Variants in METTL6 observed in about 807,000 individuals in gnomAD.
METTL6 encodes the protein tRNA N(3)-cytidine methyltransferase METTL6.
In METTL6, 22 loss-of-function variants were observed where a neutral mutation model predicts 26.4. The ratio of observed to expected loss-of-function variants is 0.83; its 90% CI spans 0.59 to 1.19. The LOEUF (loss-of-function observed/expected upper bound fraction) is 1.19, where lower values mean the gene tolerates loss of function less well. Among genes scored for constraint, METTL6 ranks in the 50% most tolerant of loss-of-function variants. The pLI is 0.00. For missense variants in METTL6, 304 were observed against 324.8 expected, an observed-to-expected ratio of 0.94 and a Z score of 0.49; for synonymous variants, 109 against 116.2, an observed-to-expected ratio of 0.94 and a Z score of 0.40.
At chr3:15,396,800 G>A (rs2124918922) in intron 6 of METTL6, among the ~76,000 whole-genome samples, 1 of 152,280 alleles carries the variant, frequency 6.6e-6, no homozygotes, top group East Asian at 1.9e-4. Flanking sequence ...GCAGAACAGT[G>A]GATATTGGTG....
chr3:15,419,878 T>G (rs2125017202), intron 3 of METTL6, among the ~76,000 whole-genome samples: 1 of 151,198 alleles, frequency 6.6e-6, no homozygotes, highest in African/African-American at 2.4e-5. Flanking sequence ...TTTTTTTTTT[T>G]TGAGACAGAG....
intron 6 of METTL6, among the ~76,000 whole-genome samples, chr3:15,401,547 AAAAAAAAAAAG>A (rs1256462231): frequency 1.3e-5 from 2 of 151,458 alleles, no homozygotes; most frequent in Non-Finnish European, 2.9e-5. Context: ...AAAAAAAAAA[AAAAAAAAAAAG>A]AAAGAAAGAA....
At position 15,411,136 on chromosome 3, in the gene METTL6, C is replaced by G; in HGVS notation, c.*120G>C. ...TCTCAAACTCCTGACCTCAGATGAT[C>G]CCCCAACCTCGGCCTCCCGAAGTGC... On this transcript the variant is annotated 3_prime_UTR_variant, in exon 6 of 6. Transcript: ENST00000383790. 9.0e-7 allele frequency: 1 copy of G among 1,105,106 alleles called. No homozygotes were observed. The highest frequency in any genetic ancestry group is 1.3e-6 in the Non-Finnish European group (1 of 788,652). The allele number at this position is 1,105,106 out of a possible 1,614,324, so 68.5% of individuals were successfully genotyped here.
At chr3:15,413,065 C>A (rs1700039931) in intron 5 of METTL6, among the ~76,000 whole-genome samples, 1 of 151,980 alleles carries the variant, frequency 6.6e-6, no homozygotes. Context: ...GCCAACATGG[C>A]AAAACCGCAT....
chr3:15,414,407 G>A, intron 4 of METTL6: 1 of 1,109,236 alleles, frequency 9.0e-7, no homozygotes, highest in Non-Finnish European at 1.1e-6. Context: ...CCAGGCTGGA[G>A]TGCAGTGGCA....
rs1482367415 is a variant in METTL6 at position 15,410,762 on chromosome 3, A to G, written c.*494T>C. Among the ~76,000 whole-genome samples, 1 of 152,122 alleles carries G rather than the reference A, an allele frequency of 6.6e-6. No homozygotes were observed. The highest frequency in any genetic ancestry group is 1.5e-5 in the Non-Finnish European group (1 of 68,002). The stretch of plus-strand genomic sequence containing the variant: ...CTTACACCTGTAGTCCTAGCTACTC[A>G]GGAGGCTGAGGCAGGAAGACTGCTT... On this transcript the variant is annotated 3_prime_UTR_variant, in exon 6 of 6. Transcript: ENST00000383790.
chr3:15,407,230 G>C (rs985942584), downstream of METTL6, among the ~76,000 whole-genome samples: 1 of 151,618 alleles, frequency 6.6e-6, no homozygotes, highest in African/African-American at 2.4e-5. Context: ...ATGTTGGCCA[G>C]GCTGGTCTCC....
At chr3:15,402,630 A>G (rs1699678137) in intron 6 of METTL6, among the ~76,000 whole-genome samples, 1 of 151,308 alleles carries the variant, frequency 6.6e-6, no homozygotes, top group South Asian at 2.1e-4. Context: ...GCTACTTGGG[A>G]GTCTGAGACA....
chr3:15,391,364 G>A (rs558397406), intron 6 of METTL6, among the ~76,000 whole-genome samples: 120 of 152,262 alleles, frequency 7.9e-4, no homozygotes, highest in African/African-American at 2.7e-3. Flanking sequence ...CAGCGGGGGA[G>A]ATGTGATCTA....
chr3:15,412,790 T>C (rs1222126023), intron 5 of METTL6, among the ~76,000 whole-genome samples: 1 of 152,204 alleles, frequency 6.6e-6, no homozygotes, highest in Admixed American at 6.6e-5. Context: ...TCAATTTTAA[T>C]TCATTTTGGT....
intron 6 of METTL6, among the ~76,000 whole-genome samples, chr3:15,401,286 G>A (rs372622538): frequency 4.6e-5 from 7 of 151,768 alleles, no homozygotes; most frequent in African/African-American, 9.7e-5. Flanking sequence ...TGATCCGCCC[G>A]CCTCGGCCTC....
exon 7 of METTL6, chr3:15,382,513 TA>T (rs1699102086): frequency 6.6e-6 from 1 of 151,594 alleles, no homozygotes; most frequent in Admixed American, 6.6e-5. Flanking sequence ...TTTACAAAAA[TA>T]AAATTAGCCA....
intron 3 of METTL6, among the ~76,000 whole-genome samples, chr3:15,422,798 G>A (rs896491655): frequency 5.3e-5 from 8 of 152,298 alleles, no homozygotes; most frequent in Middle Eastern, 6.8e-3. Context: ...GAATTAGGTA[G>A]TTACTATCTT....
chr3:15,403,323 T>C (rs1209301653), intron 6 of METTL6, among the ~76,000 whole-genome samples: 1 of 152,200 alleles, frequency 6.6e-6, no homozygotes, highest in Non-Finnish European at 1.5e-5. Flanking sequence ...ATTTTGCCCA[T>C]TTTGTCAGCA....
At chr3:15,413,540 C>T (rs903115645) in intron 5 of METTL6, 2 of 833,260 alleles carry the variant, frequency 2.4e-6, no homozygotes, top group Admixed American at 8.0e-5. Context: ...CCACTGCACT[C>T]CAGCCTGGGT....
exon 7 of METTL6, chr3:15,381,596 T>G (rs1385921343): frequency 6.6e-6 from 1 of 152,216 alleles, no homozygotes; most frequent in South Asian, 2.1e-4. Flanking sequence ...TTACCATCCT[T>G]GCTCTAAACT....
intron 3 of METTL6, among the ~76,000 whole-genome samples, chr3:15,420,253 T>C (rs2125019415): frequency 6.6e-6 from 1 of 152,250 alleles, no homozygotes; most frequent in Admixed American, 6.5e-5. Flanking sequence ...CTGCAAAATA[T>C]AATAATGTAG....
chr3:15,385,381 T>A (rs990861985), intron 6 of METTL6, among the ~76,000 whole-genome samples: 1 of 152,188 alleles, frequency 6.6e-6, no homozygotes, highest in Non-Finnish European at 1.5e-5. Context: ...GCGGATCATC[T>A]GAGGTCAGGA....
At chr3:15,392,420 C>A (rs2124906209) in intron 6 of METTL6, among the ~76,000 whole-genome samples, 1 of 152,144 alleles carries the variant, frequency 6.6e-6, no homozygotes, top group East Asian at 1.9e-4. Flanking sequence ...GAGTAGGTTG[C>A]AAAAATTTTC....
Sources: gnomAD v4.1 joint callset for allele counts (sites outside exome capture counted in the v4.1 genomes callset) on GRCh38, gnomAD v4.1.1 for gene constraint, MANE v1.5 for transcripts, NCBI Gene and HGNC (gene_info 2026-07-23, HGNC 2026-07-21) for gene names.